ADGRA3: variants seen among roughly 807,000 people sequenced by gnomAD.
The protein encoded by ADGRA3 is G-protein coupled receptor 125.
A neutral mutation model predicts 119.8 loss-of-function variants in ADGRA3; 56 were observed. The observed-to-expected ratio is 0.47, with a 90% CI of 0.38 to 0.58. The LOEUF is 0.58. Ranked by LOEUF, ADGRA3 falls within the 20% of genes least tolerant of loss-of-function variation. The pLI is 0.00. For missense variants in ADGRA3, 1,516 were observed against 1,649.0 expected, an observed-to-expected ratio of 0.92 and a Z score of 1.40; for synonymous variants, 607 against 623.8, an observed-to-expected ratio of 0.97 and a Z score of 0.40.
intron 1 of ADGRA3, among the ~76,000 whole-genome samples, chr4:22,478,528 G>GA (rs1560337726): frequency 6.6e-6 from 1 of 152,174 alleles, no homozygotes. Context: ...CCATTGTAGG[G>GA]AAAAATCAGA....
At chr4:22,493,510 T>G (rs1290902496) in intron 1 of ADGRA3, among the ~76,000 whole-genome samples, 1 of 152,176 alleles carries the variant, frequency 6.6e-6, no homozygotes, top group African/African-American at 2.4e-5. Context: ...GCTGTTTTGA[T>G]AGTTTCTCTG....
intron 11 of ADGRA3, among the ~76,000 whole-genome samples, chr4:22,423,270 G>A (rs1222183555): frequency 6.6e-6 from 1 of 151,768 alleles, no homozygotes; most frequent in African/African-American, 2.4e-5. Flanking sequence ...GCCATGCTGA[G>A]ACTCCATTTA....
At chr4:22,485,552 T>C (rs1560341059) in intron 1 of ADGRA3, among the ~76,000 whole-genome samples, 1 of 152,218 alleles carries the variant, frequency 6.6e-6, no homozygotes, top group Non-Finnish European at 1.5e-5. Flanking sequence ...CCTCTCATTC[T>C]GTTGATTTCT....
At chr4:22,495,019 A>T (rs914834088) in intron 1 of ADGRA3, among the ~76,000 whole-genome samples, 24 of 152,018 alleles carry the variant, frequency 1.6e-4, no homozygotes, top group African/African-American at 5.6e-4. Flanking sequence ...CAATAACTAA[A>T]TAACAAAATA....
At position 22,401,457 on chromosome 4, in the gene ADGRA3, T is replaced by C. The variant is rs759676986; in HGVS notation, c.2455A>G (p.Thr819Ala). Residue 819 changes from threonine to alanine, a missense_variant, in exon 16 of 19, where the codon ACT becomes GCT. Transcript: ENST00000334304. ...CVVFVGGITQ[T>A]RNASICQAVG... The stretch of plus-strand genomic sequence containing the variant: ...GCTTGGCAGATGCTGGCATTCCTAG[T>C]CTGGGTTATTCCTCCCACAAAGACC... 3.0e-5 allele frequency: 48 copies of C among 1,610,220 alleles called. No individual in the cohort carries two copies. In the South Asian group the frequency reaches 4.8e-4, roughly 16 times the overall value.
chr4:22,509,819 G>C (rs981628666), intron 1 of ADGRA3, among the ~76,000 whole-genome samples: 5 of 151,838 alleles, frequency 3.3e-5, no homozygotes. Flanking sequence ...GACCATCCTG[G>C]CTAACACGGT....
intron 1 of ADGRA3, among the ~76,000 whole-genome samples, chr4:22,487,740 C>A (rs957442571): frequency 6.6e-6 from 1 of 152,190 alleles, no homozygotes; most frequent in Non-Finnish European, 1.5e-5. Context: ...ATGCATTCGG[C>A]AAGCACTACC....
intron 14 of ADGRA3, among the ~76,000 whole-genome samples, chr4:22,403,306 G>A (rs999851059): frequency 9.2e-5 from 14 of 152,044 alleles, no homozygotes; most frequent in South Asian, 4.2e-4. Context: ...GAGACATAAC[G>A]GTAAGACATG....
At chr4:22,500,649 C>T (rs746488200) in intron 1 of ADGRA3, among the ~76,000 whole-genome samples, 19 of 152,144 alleles carry the variant, frequency 1.2e-4, no homozygotes, top group Admixed American at 1.3e-4. Context: ...ATAACAACAA[C>T]AACAGGTTTT....
intron 2 of ADGRA3, among the ~76,000 whole-genome samples, chr4:22,463,484 G>C (rs1051630873): frequency 6.6e-6 from 1 of 152,140 alleles, no homozygotes; most frequent in African/African-American, 2.4e-5. Flanking sequence ...AAAATCCTCA[G>C]TTTGCCTTCT....
chr4:22,451,954 T>G (rs1003338746), intron 4 of ADGRA3, among the ~76,000 whole-genome samples: 1 of 152,212 alleles, frequency 6.6e-6, no homozygotes, highest in Non-Finnish European at 1.5e-5. Context: ...ATATGAGCTG[T>G]TATCATCCTT....
At chr4:22,469,735 G>C (rs147034947) in intron 2 of ADGRA3, among the ~76,000 whole-genome samples, 11 of 152,276 alleles carry the variant, frequency 7.2e-5, no homozygotes, top group African/African-American at 2.6e-4. Flanking sequence ...CTAGGGCACT[G>C]GTCTCTAAAC....
chr4:22,392,265 T>C (rs1480769236), intron 17 of ADGRA3, among the ~76,000 whole-genome samples: 1 of 152,140 alleles, frequency 6.6e-6, no homozygotes, highest in African/African-American at 2.4e-5. Flanking sequence ...GCCAATCCCC[T>C]CTTAAGTGCT....
chr4:22,451,789 A>G (rs1382551480), intron 4 of ADGRA3, among the ~76,000 whole-genome samples: 1 of 151,998 alleles, frequency 6.6e-6, no homozygotes, highest in Non-Finnish European at 1.5e-5. Context: ...TCCACTCTAG[A>G]ATTCCTTCTT....
Position 22,480,227 on chromosome 4 carries a change from T to C in ADGRA3, c.258-6384A>G, listed in dbSNP as rs566842103. Among the ~76,000 whole-genome samples, 6 of 151,936 alleles carry C rather than the reference T, an allele frequency of 3.9e-5. No individual in the cohort carries two copies. In the South Asian group the frequency reaches 1.0e-3, roughly 26 times the overall value. ...TTCAGGAAAAATAAACACCAATGGA[T>C]CACAATCAAATAAAGGGATGTACGA... On this transcript the variant is annotated intron_variant, in intron 1 of 18. Transcript: ENST00000334304.
At chr4:22,397,126 G>A (rs1045055405) in intron 16 of ADGRA3, among the ~76,000 whole-genome samples, 2 of 151,338 alleles carry the variant, frequency 1.3e-5, no homozygotes, top group Non-Finnish European at 2.9e-5. Context: ...TATGGGTCAG[G>A]CCTTGTACTG....
intron 16 of ADGRA3, chr4:22,393,816 T>A (rs1256639812): frequency 2.6e-5 from 4 of 152,154 alleles, no homozygotes; most frequent in African/African-American, 9.7e-5. Flanking sequence ...AAATTATCAA[T>A]CGCCACCTCT....
rs367946371 is a variant in ADGRA3, at chr4:22,388,042, C to T, written c.3629G>A (p.Arg1210Gln). ...CGAGTGTCCTTCGTTATTGCCCAGC[C>T]GGCTTTTAGGTAAGCCGTTCTGCAC... ...GSVQNGLPKS[R>Q]LGNNEGHSRS... is the part of the protein sequence containing the mutation. Residue 1210 changes from arginine (R) to glutamine (Q), a missense_variant, in exon 19 of 19, where the codon CGG becomes CAG. Transcript: ENST00000334304. 2.7e-5 allele frequency: 43 copies of T among 1,614,004 alleles called. No homozygotes were observed. The Middle Eastern group carries it at 4.9e-4, about 19-fold the overall frequency.
At chr4:22,438,766 C>T (rs1447190265) in intron 7 of ADGRA3, among the ~76,000 whole-genome samples, 3 of 152,016 alleles carry the variant, frequency 2.0e-5, no homozygotes, top group Non-Finnish European at 4.4e-5. Context: ...GAGACAGAGG[C>T]GGGTGGCAGG....
Sources: gnomAD v4.1 joint callset for allele counts (sites outside exome capture counted in the v4.1 genomes callset) on GRCh38, gnomAD v4.1.1 for gene constraint, MANE v1.5 for transcripts, NCBI Gene and HGNC (gene_info 2026-07-23, HGNC 2026-07-21) for gene names.